The following CACNG7 variants were observed in gnomAD, a reference collection of about 807,000 sequenced individuals.
CACNG7 encodes the protein calcium voltage-gated channel auxiliary subunit gamma 7, also known as voltage-dependent calcium channel gamma-7 subunit.
In CACNG7, 9 loss-of-function variants were observed where a neutral mutation model predicts 26.3. The observed-to-expected ratio is 0.34, with a 90% confidence interval of 0.21 to 0.60. The LOEUF (loss-of-function observed/expected upper bound fraction) is 0.60. Ranked by LOEUF, CACNG7 falls within the 20% of genes least tolerant of loss-of-function variation. CACNG7 has a pLI of 0.81. For missense variants in CACNG7, 297 were observed against 380.4 expected (o/e 0.78, Z 1.82); for synonymous variants, 170 against 157.0 (o/e 1.08, Z -0.62).
At chr19:53,910,369 G>C (rs531899669) in intron 1 of CACNG7, among the ~76,000 whole-genome samples, 137 of 150,130 alleles carry the variant, frequency 9.1e-4, no homozygotes, top group African/African-American at 3.1e-3. Context: ...GGTTGGGGGG[G>C]AAGGAGGGGG....
intron 4 of CACNG7, among the ~76,000 whole-genome samples, chr19:53,933,890 T>TTTTA (rs933902235): frequency 9.2e-5 from 14 of 151,908 alleles, no homozygotes; most frequent in East Asian, 1.9e-4. Flanking sequence ...ATTGTTTAAT[T>TTTTA]TTTATTTATT....
chr19:53,913,917 G>A (rs1006456043), intron 2 of CACNG7, among the ~76,000 whole-genome samples: 1 of 151,518 alleles, frequency 6.6e-6, no homozygotes, highest in Non-Finnish European at 1.5e-5. Context: ...CAGCCCCTTT[G>A]TTGCTTAAGA....
At chr19:53,925,354 C>A (rs1319734071) in intron 4 of CACNG7, among the ~76,000 whole-genome samples, 5 of 125,604 alleles carry the variant, frequency 4.0e-5, no homozygotes, top group African/African-American at 1.6e-4. Flanking sequence ...TGCCCCAGGT[C>A]TGGTATTGGT....
In CACNG7 at chr19:53,915,525, G is replaced by A; in HGVS notation, c.424+20G>A. 6.2e-7 allele frequency: 1 copy of A among 1,613,068 alleles called. No homozygotes were observed. The highest frequency in any genetic ancestry group is 8.5e-7 in the Non-Finnish European group (1 of 1,179,270). ...TATCGGGTGAGCCTAAGGACTTGGG[G>A]GTTGGGGGGGACCATTTCCAGTTCC... On this transcript the variant is annotated intron_variant, in intron 4 of 5. Transcript: ENST00000391767.
chr19:53,925,451 C>T (rs536697456), intron 4 of CACNG7, among the ~76,000 whole-genome samples: 1 of 130,044 alleles, frequency 7.7e-6, no homozygotes, highest in African/African-American at 3.2e-5. Flanking sequence ...GGTGGACTTG[C>T]CACAGGTATG....
chr19:53,933,468 TTTTGTATTTTTAGTAG>T (rs1293420653), intron 4 of CACNG7, among the ~76,000 whole-genome samples: 1 of 151,036 alleles, frequency 6.6e-6, no homozygotes, highest in East Asian at 2.0e-4. Flanking sequence ...CCTGGCTAAT[TTTTGTATTTTTAGTAG>T]AGAGGGGGTT....
At chr19:53,931,962 C>A (rs1247565968) in intron 4 of CACNG7, among the ~76,000 whole-genome samples, 2 of 151,270 alleles carry the variant, frequency 1.3e-5, no homozygotes, top group African/African-American at 4.8e-5. Context: ...GGAGTTTCAC[C>A]ATGTTAGCCA....
At chr19:53,910,783 G>C (rs3810248) in intron 1 of CACNG7, among the ~76,000 whole-genome samples, 18,612 of 152,146 alleles carry the variant, frequency 0.12, 3,095 homozygotes, top group African/African-American at 0.38. Context: ...AGGCCACAGA[G>C]ATGAACTGGG....
At chr19:53,923,650 C>T (rs369419095) in intron 4 of CACNG7, among the ~76,000 whole-genome samples, 6 of 63,712 alleles carry the variant, frequency 9.4e-5, no homozygotes, top group African/African-American at 3.5e-4. Context: ...GTCATTGGTG[C>T]AGTTGCCCCA....
chr19:53,930,304 G>A (rs557035259), intron 4 of CACNG7, among the ~76,000 whole-genome samples: 3 of 151,836 alleles, frequency 2.0e-5, no homozygotes, highest in South Asian at 2.1e-4. Flanking sequence ...TGCCCCCTGG[G>A]TTCAAGCAAT....
chr19:53,921,286 C>CCCAGG lies in CACNG7; in HGVS notation c.424+5781_424+5782insCCAGG, dbSNP rs1170335581. On this transcript the variant is annotated intron_variant, in intron 4 of 5. Transcript: ENST00000391767. ...CAGGTCTGGTCATTGGTGGAGTTGC[C>CCCAGG]TCAGGTCTGGTCATTGGTGGACTTG... Among the ~76,000 whole-genome samples the CCCAGG allele has an allele frequency of 9.3e-4, 129 of 138,436 alleles. 1 individual carries two copies. The highest frequency in any genetic ancestry group is 3.8e-3 in the African/African-American group (120 of 31,938). The allele number at this position is 138,436 out of a possible 152,430, so 90.8% of individuals were successfully genotyped here.
rs529065342 is a variant in CACNG7 at position 53,940,917 on chromosome 19, C to T, written c.425-553C>T. Among the ~76,000 whole-genome samples, 14 of 151,908 alleles carry T rather than the reference C, an allele frequency of 9.2e-5. No individual in the cohort carries two copies. The highest frequency in any genetic ancestry group is 4.6e-4 in the Admixed American group (7 of 15,240). Reference sequence around the variant, plus strand: ...TAAAAATATAAAAAAAAAAATTAGTCGGGAGTGGTGGCGGGCGCCTGTAAT... The same window carrying T: ...TAAAAATATAAAAAAAAAAATTAGTTGGGAGTGGTGGCGGGCGCCTGTAAT... On this transcript the variant is annotated intron_variant, in intron 4 of 5. Transcript: ENST00000391767. This position sits in a 1 kb window ranked among gnomAD's most constrained non-coding sequence, Gnocchi z 4.1.
At chr19:53,911,053 T>C (rs1370833700) in intron 1 of CACNG7, among the ~76,000 whole-genome samples, 1 of 147,968 alleles carries the variant, frequency 6.8e-6, no homozygotes, top group African/African-American at 2.6e-5. Flanking sequence ...GTGGTGGTGG[T>C]GGGGTCCAGC....
At position 53,939,156 on chromosome 19, in the gene CACNG7, G is replaced by A. The variant is rs921450859; in HGVS notation, c.425-2314G>A. Among the ~76,000 whole-genome samples, 1 of 152,136 alleles carries A rather than the reference G, an allele frequency of 6.6e-6. No individual in the cohort carries two copies. The highest frequency in any genetic ancestry group is 2.4e-5 in the African/African-American group (1 of 41,416). ...CCTGTTAATTCCAGCTACGCAGGAG[G>A]CTGAGGCAGGAGAATCGCTTGAGTC... On this transcript the variant is annotated intron_variant, in intron 4 of 5. Coordinates refer to ENST00000391767, the MANE Select transcript of CACNG7 (RefSeq NM_031896.5). The surrounding 1 kb of genome is among the most constrained non-coding windows in gnomAD (Gnocchi z 4.2).
At chr19:53,937,459 C>G (rs1437920183) in intron 4 of CACNG7, among the ~76,000 whole-genome samples, 1 of 152,140 alleles carries the variant, frequency 6.6e-6, no homozygotes, top group Non-Finnish European at 1.5e-5. Context: ...TTCTGACTAC[C>G]CGGTTGATGA....
chr19:53,941,502 A>G lies in CACNG7; in HGVS notation c.457A>G (p.Ile153Val), dbSNP rs1365109942. Residue 153 changes from isoleucine to valine, a missense_variant, in exon 5 of 6, where the codon ATC becomes GTC. By Grantham distance (29) the Ile-to-Val change is conservative. Transcript: ENST00000391767. ...LSLVVGLVLY[I>V]SSINDEVMNR... is the part of the protein sequence containing the mutation. ...CTTGGTGGTGGGCTTGGTTCTTTAC[A>G]TCTCCAGCATCAACGACGAGGTCAT... The G allele has an allele frequency of 6.3e-7, 1 of 1,592,168 alleles. No homozygotes were observed. Among genetic ancestry groups the G allele is most frequent in the African/African-American group, 1.4e-5 (1 of 73,150 alleles).
Position 53,915,390 on chromosome 19 carries a change from C to A in CACNG7, c.309C>A (p.Phe103Leu), listed in dbSNP as rs545594390. 1.2e-6 allele frequency: 2 copies of A among 1,613,586 alleles called. No homozygotes were observed. Among genetic ancestry groups the A allele is most frequent in the African/African-American group, 2.7e-5 (2 of 74,918 alleles). ...ILKTVRTATP[F>L]PMVSLFLVFT... ...AGACAGTGCGCACGGCCACCCCCTT[C>A]CCCATGGTCAGCCTCTTCCTCGTGT... Residue 103 changes from phenylalanine to leucine, a missense_variant, in exon 4 of 6, where the codon TTC (phenylalanine) becomes TTA (leucine). Coordinates refer to ENST00000391767, the MANE Select transcript of CACNG7 (RefSeq NM_031896.5).
chr19:53,931,321 A>G (rs2145915469), intron 4 of CACNG7, among the ~76,000 whole-genome samples: 1 of 152,204 alleles, frequency 6.6e-6, no homozygotes, highest in South Asian at 2.1e-4. Context: ...TGGCTATTTC[A>G]AGAATGTCTT....
intron 2 of CACNG7, 26 bp from the exon 3 acceptor site, chr19:53,914,474 G>T (rs767073488): frequency 6.4e-5 from 103 of 1,607,078 alleles, no homozygotes; most frequent in Non-Finnish European, 8.4e-5. Flanking sequence ...CTCTCATCCA[G>T]CCCTGTCTGT....
Sources: allele counts gnomAD v4.1 joint callset (sites outside exome capture counted in the v4.1 genomes callset), GRCh38; gene constraint gnomAD v4.1.1; non-coding constraint Gnocchi (gnomAD v3.1); transcripts MANE v1.5; gene names NCBI Gene and HGNC (gene_info 2026-07-23, HGNC 2026-07-21).